NKAIN2: variants seen among roughly 807,000 people sequenced by gnomAD.
NKAIN2 encodes sodium/potassium-transporting ATPase subunit beta-1-interacting protein 2.
Under a neutral mutation model 32.6 loss-of-function variants are expected in NKAIN2, and 14 were observed. That is an observed-to-expected ratio of 0.43 (90% CI 0.28 to 0.67). NKAIN2 has a LOEUF of 0.67. Among genes scored for constraint, NKAIN2 ranks in the 30% least tolerant of loss-of-function variants. The pLI is 0.17. For synonymous variants in NKAIN2, 80 were observed against 87.2 expected (o/e 0.92, Z 0.46); for missense variants, 198 against 258.3 (o/e 0.77, Z 1.60).
intron 4 of NKAIN2, among the ~76,000 whole-genome samples, chr6:124,773,951 G>T (rs1195514073): frequency 6.6e-6 from 1 of 152,126 alleles, no homozygotes; most frequent in Non-Finnish European, 1.5e-5. Flanking sequence ...AGAAGAGTGA[G>T]TAGGAGAACA....
intron 3 of NKAIN2, among the ~76,000 whole-genome samples, chr6:124,466,978 A>AAAAAAT (rs1242620330): frequency 6.6e-6 from 1 of 152,130 alleles, no homozygotes; most frequent in African/African-American, 2.4e-5. Context: ...TCATAATTAT[A>AAAAAAT]AAAAATATTT....
At chr6:123,999,734 G>A (rs965904548) in intron 1 of NKAIN2, among the ~76,000 whole-genome samples, 2 of 152,066 alleles carry the variant, frequency 1.3e-5, no homozygotes, top group African/African-American at 4.8e-5. Flanking sequence ...GCTGTTTCAG[G>A]TTGACACAGA....
chr6:124,232,304 G>C (rs183487564), intron 1 of NKAIN2, among the ~76,000 whole-genome samples: 6 of 152,236 alleles, frequency 3.9e-5, no homozygotes, highest in Admixed American at 3.3e-4. Flanking sequence ...ATTAGAAAAG[G>C]TTTGCTAGAT....
intron 1 of NKAIN2, among the ~76,000 whole-genome samples, chr6:123,925,518 T>C (rs1775967504): frequency 6.6e-6 from 1 of 152,192 alleles, no homozygotes; most frequent in East Asian, 1.9e-4. Flanking sequence ...GTGTGAATCA[T>C]TCATGTATAA....
At chr6:124,431,493 T>C (rs1775215142) in intron 3 of NKAIN2, among the ~76,000 whole-genome samples, 1 of 152,184 alleles carries the variant, frequency 6.6e-6, no homozygotes, top group South Asian at 2.1e-4. Flanking sequence ...TTTCTATTAT[T>C]GTCCCGTGAG....
At chr6:124,611,593 G>A (rs912433587) in intron 3 of NKAIN2, among the ~76,000 whole-genome samples, 1 of 152,076 alleles carries the variant, frequency 6.6e-6, no homozygotes, top group Non-Finnish European at 1.5e-5. Context: ...TGTTCTCGTT[G>A]CTCAACTCCC....
intron 4 of NKAIN2, among the ~76,000 whole-genome samples, chr6:124,781,079 T>G (rs1046634295): frequency 6.6e-6 from 1 of 151,956 alleles, no homozygotes; most frequent in African/African-American, 2.4e-5. Flanking sequence ...CTAGGTGAAC[T>G]TAATTTTAAC....
chr6:123,823,883 C>T (rs73557543), intron 1 of NKAIN2, among the ~76,000 whole-genome samples: 1,701 of 152,036 alleles, frequency 0.011, 37 homozygotes, highest in African/African-American at 0.039. Context: ...AGGGTAGTTT[C>T]ATTAGCATTG....
intron 1 of NKAIN2, among the ~76,000 whole-genome samples, chr6:124,050,131 A>G (rs1782336162): frequency 1.3e-5 from 2 of 151,726 alleles, no homozygotes; most frequent in African/African-American, 4.9e-5. Flanking sequence ...CATATGGGGG[A>G]GCTACTATCA....
chr6:124,582,754 A>G (rs1781569312), intron 3 of NKAIN2, among the ~76,000 whole-genome samples: 2 of 152,240 alleles, frequency 1.3e-5, no homozygotes, highest in Admixed American at 6.5e-5. Context: ...TCAATAACAC[A>G]TTAAGCAAAT....
chr6:124,001,277 T>A (rs1779867240), intron 1 of NKAIN2, among the ~76,000 whole-genome samples: 1 of 152,018 alleles, frequency 6.6e-6, no homozygotes, highest in Admixed American at 6.6e-5. Flanking sequence ...GCTATTCAGC[T>A]CTGAAAACTG....
intron 3 of NKAIN2, among the ~76,000 whole-genome samples, chr6:124,395,528 G>A (rs1442453515): frequency 6.6e-6 from 1 of 152,076 alleles, no homozygotes; most frequent in Non-Finnish European, 1.5e-5. Context: ...AAAAGAAATG[G>A]TTAATAAAAT....
intron 1 of NKAIN2, among the ~76,000 whole-genome samples, chr6:124,022,734 T>C (rs1780920551): frequency 6.6e-6 from 1 of 152,182 alleles, no homozygotes; most frequent in African/African-American, 2.4e-5. Context: ...GGAAACAGAT[T>C]AGCAATTTAA....
intron 3 of NKAIN2, among the ~76,000 whole-genome samples, chr6:124,579,972 A>G (rs1294258584): frequency 1.3e-5 from 2 of 152,214 alleles, no homozygotes; most frequent in Non-Finnish European, 2.9e-5. Context: ...ATCCTAGAAT[A>G]ATATATTCAG....
At chr6:123,957,469 T>C (rs1239192700) in intron 1 of NKAIN2, among the ~76,000 whole-genome samples, 1 of 152,200 alleles carries the variant, frequency 6.6e-6, no homozygotes, top group Admixed American at 6.5e-5. Flanking sequence ...ATGGTGTATG[T>C]CTAGATTTTT....
At chr6:124,284,009 GC>G (rs1245500798) in intron 2 of NKAIN2, among the ~76,000 whole-genome samples, 2 of 151,674 alleles carry the variant, frequency 1.3e-5, no homozygotes, top group Non-Finnish European at 2.9e-5. Flanking sequence ...CATTAAAGAT[GC>G]CCCCCCATGA....
chr6:124,786,278 C>A (rs1182009806), intron 4 of NKAIN2, among the ~76,000 whole-genome samples: 1 of 151,992 alleles, frequency 6.6e-6, no homozygotes, highest in Non-Finnish European at 1.5e-5. Flanking sequence ...GCCTCAAAGT[C>A]TTCTTGTAAT....
intron 3 of NKAIN2, among the ~76,000 whole-genome samples, chr6:124,620,211 G>A (rs1287273755): frequency 6.6e-6 from 1 of 152,032 alleles, no homozygotes; most frequent in East Asian, 1.9e-4. Context: ...CTTCTTTAGT[G>A]TTTATTGCAC....
At chr6:124,074,342 G>A (rs150207936) in intron 1 of NKAIN2, among the ~76,000 whole-genome samples, 45 of 152,268 alleles carry the variant, frequency 3.0e-4, no homozygotes, top group Middle Eastern at 3.4e-3. Flanking sequence ...TATTTTGTTC[G>A]TAAAAACAGG....
Sources: gnomAD v4.1 joint callset for allele counts (sites outside exome capture counted in the v4.1 genomes callset) on GRCh38, gnomAD v4.1.1 for gene constraint, MANE v1.5 for transcripts, NCBI Gene and HGNC (gene_info 2026-07-23, HGNC 2026-07-21) for gene names.